Variants in LY6S observed in about 807,000 individuals in gnomAD.
The protein encoded by LY6S is lymphocyte antigen 6S.
At chr8:143,051,451 G>A in the LY6S span, among the ~76,000 whole-genome samples, 1 of 152,064 alleles carries the variant, frequency 6.6e-6, no homozygotes, top group African/African-American at 2.4e-5. Context: ...TGAGGCAGGA[G>A]AGTCACTTGA....
chr8:143,044,608 T>C, the LY6S span: 3 of 1,281,630 alleles, frequency 2.3e-6, no homozygotes, highest in Non-Finnish European at 3.1e-6. Context: ...GGGACCTTGG[T>C]CCATCATGCA....
chr8:143,042,271 G>A, the LY6S span: 1 of 152,462 alleles, frequency 6.6e-6, no homozygotes, highest in South Asian at 2.1e-4. Flanking sequence ...TCTAACCCCT[G>A]ACACGGGGCA....
At chr8:143,066,502 C>T in the LY6S span, 2 of 267,030 alleles carry the variant, frequency 7.5e-6, no homozygotes, top group South Asian at 4.8e-5. Context: ...CTTGGCCACA[C>T]ATCAGGCACC....
the LY6S span, among the ~76,000 whole-genome samples, chr8:143,045,762 C>T: frequency 6.6e-6 from 1 of 152,230 alleles, no homozygotes; most frequent in African/African-American, 2.4e-5. This position sits in a 1 kb window ranked among gnomAD's most constrained non-coding sequence, Gnocchi z 5.3. Flanking sequence ...CCCTCAGGCT[C>T]TTCCTGACTG....
the LY6S span, among the ~76,000 whole-genome samples, chr8:143,070,611 TG>T: frequency 6.7e-6 from 1 of 149,366 alleles, no homozygotes; most frequent in Non-Finnish European, 1.5e-5. Context: ...TCCAGCCTCC[TG>T]GGTAGCTGGG....
chr8:143,054,633 C>G, the LY6S span, among the ~76,000 whole-genome samples: 1 of 152,222 alleles, frequency 6.6e-6, no homozygotes, highest in Non-Finnish European at 1.5e-5. Flanking sequence ...AGCGCTCCAT[C>G]GCTTACAGCT....
chr8:143,072,600 G>A, the LY6S span, among the ~76,000 whole-genome samples: 2 of 92,156 alleles, frequency 2.2e-5, no homozygotes, highest in African/African-American at 6.1e-5. Context: ...CCTGTTTGAG[G>A]AGACAGCCGT....
chr8:143,061,315 A>G, the LY6S span, among the ~76,000 whole-genome samples: 5 of 152,162 alleles, frequency 3.3e-5, no homozygotes, highest in African/African-American at 1.2e-4. Flanking sequence ...CATCATGCTG[A>G]TAGTATTAGG....
chr8:143,071,895 G>A, the LY6S span, among the ~76,000 whole-genome samples: 1 of 152,172 alleles, frequency 6.6e-6, no homozygotes, highest in Non-Finnish European at 1.5e-5. Flanking sequence ...TGGTTCTTCA[G>A]AAGAGGGTGT....
the LY6S span, among the ~76,000 whole-genome samples, chr8:143,072,165 T>C: frequency 1.4e-5 from 2 of 144,744 alleles, no homozygotes; most frequent in African/African-American, 5.2e-5. Context: ...CAGTGTCTGC[T>C]TCTGGCTTCC....
chr8:143,050,230 G>A, the LY6S span, among the ~76,000 whole-genome samples: 1 of 149,686 alleles, frequency 6.7e-6, no homozygotes, highest in Non-Finnish European at 1.5e-5. Flanking sequence ...CACCAAGCTG[G>A]AGTGCAGTGG....
At chr8:143,043,432 T>C in the LY6S span, among the ~76,000 whole-genome samples, 1 of 152,224 alleles carries the variant, frequency 6.6e-6, no homozygotes, top group African/African-American at 2.4e-5. Flanking sequence ...ATCTGCTGGC[T>C]GGGAGCCTGA....
the LY6S span, among the ~76,000 whole-genome samples, chr8:143,058,120 A>T: frequency 3.3e-5 from 5 of 152,148 alleles, no homozygotes; most frequent in Non-Finnish European, 5.9e-5. Context: ...GGTTCTGAGG[A>T]TGCACAAACA....
the LY6S span, among the ~76,000 whole-genome samples, chr8:143,075,162 T>TA: frequency 2.0e-5 from 3 of 152,200 alleles, no homozygotes; most frequent in African/African-American, 7.2e-5. This position sits in a 1 kb window ranked among gnomAD's most constrained non-coding sequence, Gnocchi z 4.1. Context: ...TCTTGCCAGA[T>TA]ATTTGTCTAA....
the LY6S span, among the ~76,000 whole-genome samples, chr8:143,074,663 A>G: frequency 6.6e-6 from 1 of 152,168 alleles, no homozygotes; most frequent in Non-Finnish European, 1.5e-5. Context: ...TTACAAGAAT[A>G]TTGTAAAGCA....
At chr8:143,070,416 ATATATT>A in the LY6S span, among the ~76,000 whole-genome samples, 20 of 116,388 alleles carry the variant, frequency 1.7e-4, no homozygotes, top group African/African-American at 7.3e-4. Context: ...ATTTATGTAT[ATATATT>A]TATATATATA....
At chr8:143,072,650 T>C in the LY6S span, among the ~76,000 whole-genome samples, 3,062 of 54,882 alleles carry the variant, frequency 0.056, no homozygotes, top group East Asian at 0.095. Context: ...GCCGTCGTCC[T>C]CGGGGTCCCT....
the LY6S span, among the ~76,000 whole-genome samples, chr8:143,070,688 T>C: frequency 2.6e-5 from 4 of 151,258 alleles, no homozygotes; most frequent in Middle Eastern, 3.4e-3. Flanking sequence ...GGTTTCACCA[T>C]GTTGGCCAGG....
the LY6S span, chr8:143,057,180 T>A: frequency 2.3e-5 from 8 of 343,368 alleles, no homozygotes; most frequent in South Asian, 2.7e-4. Context: ...CCCCCTTTTT[T>A]CTGGTAATAT....
Sources: gnomAD v4.1 joint callset for allele counts (sites outside exome capture counted in the v4.1 genomes callset) on GRCh38, gnomAD v4.1.1 for gene constraint, Gnocchi (gnomAD v3.1) non-coding constraint, MANE v1.5 for transcripts, NCBI Gene and HGNC (gene_info 2026-07-23, HGNC 2026-07-21) for gene names.